The following C5AR2 variants were observed in gnomAD, a reference collection of about 807,000 sequenced individuals.
C5AR2 encodes complement C5a receptor 2.
For missense variants in C5AR2, 458 were observed against 467.5 expected (o/e 0.98, Z 0.19); for synonymous variants, 224 against 216.5 (o/e 1.03, Z -0.30).
At chr19:47,339,170 T>C (rs988132612) in intron 1 of C5AR2, among the ~76,000 whole-genome samples, 1 of 151,904 alleles carries the variant, frequency 6.6e-6, no homozygotes, top group African/African-American at 2.4e-5. Context: ...AATAAATTAT[T>C]GCTATGATAG....
At chr19:47,340,210 G>A (rs1278516917) in intron 1 of C5AR2, among the ~76,000 whole-genome samples, 2 of 151,916 alleles carry the variant, frequency 1.3e-5, no homozygotes, top group Non-Finnish European at 2.9e-5. Context: ...TCCCACCTTG[G>A]CCTCTCAAAT....
rs540600010 is a variant in C5AR2, at chr19:47,344,371, A to T, written c.*2558A>T. Reference sequence around the variant, plus strand: ...CTAAATAAATAAATAAATAAATAACATAGTAGTGATACCTGTGTCTGCGGT... The same window carrying T: ...CTAAATAAATAAATAAATAAATAACTTAGTAGTGATACCTGTGTCTGCGGT... On this transcript the variant is annotated 3_prime_UTR_variant, in exon 2 of 2. Coordinates refer to ENST00000595464, the MANE Select transcript of C5AR2 (RefSeq NM_001271749.2). The T allele has an allele frequency of 2.0e-5, 3 of 151,730 alleles. No individual in the cohort carries two copies. Among genetic ancestry groups the T allele is most frequent in the Non-Finnish European group, 4.4e-5 (3 of 68,078 alleles). 9.4% of individuals were successfully genotyped at this position (151,730 alleles called of 1,614,324 possible). A position where few individuals can be genotyped will look rare whatever the true frequency, so the allele number is the denominator to read the frequency against.
Position 47,343,725 on chromosome 19 carries a change from C to T in C5AR2, c.*1912C>T, listed in dbSNP as rs1969078380. On this transcript the variant is annotated 3_prime_UTR_variant, in exon 2 of 2. Coordinates refer to ENST00000595464, the MANE Select transcript of C5AR2 (RefSeq NM_001271749.2). ...GGAGGGAGTTGCTTGAATCCTTCTG[C>T]TTCAATCCTCCTTAAAGCAGGTAGA... 1 of 151,898 alleles carries T rather than the reference C, an allele frequency of 6.6e-6. No homozygotes were observed. Among genetic ancestry groups the T allele is most frequent in the Non-Finnish European group, 1.5e-5 (1 of 68,004 alleles). 9.4% of individuals were successfully genotyped at this position (151,898 alleles called of 1,614,324 possible).
At chr19:47,340,337 A>G (rs572502870) in intron 1 of C5AR2, among the ~76,000 whole-genome samples, 8 of 150,198 alleles carry the variant, frequency 5.3e-5, no homozygotes, top group African/African-American at 2.0e-4. Context: ...ACTAAGTTCT[A>G]GAATTCCAAT....
chr19:47,339,605 C>T (rs556933490), intron 1 of C5AR2, among the ~76,000 whole-genome samples: 101 of 152,320 alleles, frequency 6.6e-4, no homozygotes, highest in Non-Finnish European at 1.0e-3. Flanking sequence ...GCATGAGCCA[C>T]TGTGCCCGGC....
intron 1 of C5AR2, among the ~76,000 whole-genome samples, chr19:47,333,437 G>A (rs1272647780): frequency 2.6e-5 from 4 of 152,060 alleles, no homozygotes; most frequent in Non-Finnish European, 4.4e-5. Flanking sequence ...CTATTTGGAC[G>A]GTTTCTCATC....
At chr19:47,333,964 A>T (rs1302977743) in intron 1 of C5AR2, among the ~76,000 whole-genome samples, 3 of 152,160 alleles carry the variant, frequency 2.0e-5, no homozygotes, top group Non-Finnish European at 4.4e-5. Flanking sequence ...ACCAAGAGGC[A>T]CATGTGAGGG....
chr19:47,338,532 T>C (rs929054545), intron 1 of C5AR2, among the ~76,000 whole-genome samples: 3 of 149,734 alleles, frequency 2.0e-5, no homozygotes, highest in Non-Finnish European at 4.4e-5. Flanking sequence ...TTATTATTAT[T>C]GTCAGGCACA....
intron 1 of C5AR2, among the ~76,000 whole-genome samples, chr19:47,338,874 C>T (rs1266916334): frequency 6.6e-6 from 1 of 150,708 alleles, no homozygotes; most frequent in Non-Finnish European, 1.5e-5. Context: ...ATTATTGTGG[C>T]CCGACATGGT....
chr19:47,339,186 G>A lies in C5AR2; in HGVS notation c.-15-1599G>A, dbSNP rs563341349. Among the ~76,000 whole-genome samples the A allele has an allele frequency of 2.2e-4, 33 of 152,102 alleles. 1 individual carries two copies. The highest frequency in any genetic ancestry group is 1.2e-4 in the Non-Finnish European group (8 of 67,968). ...ATAAATTATTGCTATGATAGATTAT[G>A]TCGCTTCCTTGCTCAGCACCCTCCT... On this transcript the variant is annotated intron_variant, in intron 1 of 1. Transcript: ENST00000595464.
At position 47,342,932 on chromosome 19, in the gene C5AR2, C is replaced by G. The variant is rs1391974912; in HGVS notation, c.*1119C>G. 3.3e-5 allele frequency: 5 copies of G among 152,248 alleles called. No individual in the cohort carries two copies. Among genetic ancestry groups the G allele is most frequent in the African/African-American group, 1.2e-4 (5 of 41,450 alleles). The allele number at this position is 152,248 out of a possible 1,614,324, so 9.4% of individuals were successfully genotyped here. On this transcript the variant is annotated 3_prime_UTR_variant, in exon 2 of 2. Transcript: ENST00000595464. The stretch of plus-strand genomic sequence containing the variant: ...ACCACTGGACACACTTACTCTCTAG[C>G]TTCTCAGACCCTGTAGCAATCAGAA...
Position 47,343,214 on chromosome 19 carries a change from A to T in C5AR2, c.*1401A>T, listed in dbSNP as rs1969071309. Reference sequence around the variant, plus strand: ...TGAGGAGGTGCCAAGAAATGCAGGCAGCTTCCAGAAGCTGAAACAGACAAG... The same window carrying T: ...TGAGGAGGTGCCAAGAAATGCAGGCTGCTTCCAGAAGCTGAAACAGACAAG... On this transcript the variant is annotated 3_prime_UTR_variant, in exon 2 of 2. Coordinates refer to ENST00000595464, the MANE Select transcript of C5AR2 (RefSeq NM_001271749.2). 6.6e-6 allele frequency: 1 copy of T among 152,214 alleles called. No homozygotes were observed. Among genetic ancestry groups the T allele is most frequent in the African/African-American group, 2.4e-5 (1 of 41,464 alleles). 9.4% of individuals were successfully genotyped at this position (152,214 alleles called of 1,614,324 possible).
chr19:47,335,859 G>T (rs9749049), intron 1 of C5AR2, among the ~76,000 whole-genome samples: 144,165 of 146,716 alleles, frequency 0.98, 70,845 homozygotes, highest in East Asian at 1. Context: ...TGGAGTCTTT[G>T]CGGGGTGAGA....
chr19:47,339,402 C>T (rs538996403), intron 1 of C5AR2, among the ~76,000 whole-genome samples: 34 of 151,690 alleles, frequency 2.2e-4, no homozygotes, highest in East Asian at 7.9e-4. Context: ...CAGCAACCTC[C>T]GCCTCCCTGG....
chr19:47,338,615 A>C (rs1003769565), intron 1 of C5AR2, among the ~76,000 whole-genome samples: 8 of 148,478 alleles, frequency 5.4e-5, no homozygotes, highest in African/African-American at 2.0e-4. Context: ...CCCAGAATTC[A>C]AGACCAGCAT....
At chr19:47,340,703 G>A in intron 1 of C5AR2, 82 bp from the exon 2 acceptor site, 1 of 1,296,506 alleles carries the variant, frequency 7.7e-7, no homozygotes, top group South Asian at 1.2e-5. Context: ...GGTGCTGGTG[G>A]GCCGGGCTGA....
In C5AR2 at chr19:47,341,279, A is replaced by G. The variant is rs761023361; in HGVS notation, c.480A>G (p.Thr160=). 5 of 1,606,376 alleles carry G rather than the reference A, an allele frequency of 3.1e-6. No homozygotes were observed. The highest frequency in any genetic ancestry group is 4.2e-6 in the Non-Finnish European group (5 of 1,179,838). The change falls in exon 2 of 2, where the codon ACA becomes ACG. Residue 160 remains threonine (T), a synonymous_variant. Coordinates refer to ENST00000595464, the MANE Select transcript of C5AR2 (RefSeq NM_001271749.2). The surrounding 1 kb of genome is among the most constrained non-coding windows in gnomAD (Gnocchi z 4.6). ...AGGTGGCCTGTGGGGCAGCCTGGAC[A>G]CTGGCCTTGCTGCTCACCGTGCCCT... The part of the protein sequence containing the change: ...GVQVACGAAW[T]LALLLTVPSA...
In C5AR2 at chr19:47,344,783, TA is replaced by T. The variant is rs1384893194; in HGVS notation, c.*2971del. ...AATTTTTTTTAATTTAATTTAATTT[TA>T]TTTTTTTGAGATGAAGTCTTGCTCT... On this transcript the variant is annotated 3_prime_UTR_variant, in exon 2 of 2. Coordinates refer to ENST00000595464, the MANE Select transcript of C5AR2 (RefSeq NM_001271749.2). 2 of 152,182 alleles carry T rather than the reference TA, an allele frequency of 1.3e-5. No individual in the cohort carries two copies. The highest frequency in any genetic ancestry group is 2.1e-4 in the South Asian group (1 of 4,828). The allele number at this position is 152,182 out of a possible 1,614,324, so 9.4% of individuals were successfully genotyped here.
chr19:47,338,690 T>TA (rs1568669355), intron 1 of C5AR2, among the ~76,000 whole-genome samples: 18 of 50,286 alleles, frequency 3.6e-4, no homozygotes, highest in Admixed American at 2.5e-3. Flanking sequence ...TAATAATAAT[T>TA]AATCAGGCAT....
Sources: allele counts gnomAD v4.1 joint callset (sites outside exome capture counted in the v4.1 genomes callset), GRCh38; gene constraint gnomAD v4.1.1; non-coding constraint Gnocchi (gnomAD v3.1); transcripts MANE v1.5; gene names NCBI Gene and HGNC (gene_info 2026-07-23, HGNC 2026-07-21).